The following TMEM156 variants were observed in gnomAD, a reference collection of about 807,000 sequenced individuals.
The protein encoded by TMEM156 is transmembrane protein 156.
In TMEM156, 28 loss-of-function variants were observed where a neutral mutation model predicts 30.5. The observed-to-expected ratio is 0.92, with a 90% CI of 0.68 to 1.26. The LOEUF (loss-of-function observed/expected upper bound fraction) is 1.26, where lower values mean the gene tolerates loss of function less well. TMEM156 is among the 50% of genes most tolerant of loss of function. The pLI is 0.00. For missense variants in TMEM156, 351 were observed against 340.6 expected, an observed-to-expected ratio of 1.03 and a Z score of -0.24; for synonymous variants, 137 against 119.9, an observed-to-expected ratio of 1.14 and a Z score of -0.93.
intron 3 of TMEM156, among the ~76,000 whole-genome samples, chr4:38,993,259 G>A (rs984399112): frequency 2.0e-5 from 3 of 151,858 alleles, no homozygotes; most frequent in Admixed American, 1.3e-4. Context: ...ACAAGACCCC[G>A]TCTCTACTAA....
intron 1 of TMEM156, among the ~76,000 whole-genome samples, chr4:39,020,618 C>T (rs771189575): frequency 1.1e-4 from 17 of 152,078 alleles, no homozygotes; most frequent in Non-Finnish European, 2.1e-4. Context: ...GTGGCATGAT[C>T]TCGGCTCACT....
rs921149790 is a variant in TMEM156, at chr4:38,996,332, G to A, written c.358+2308C>T. ...CCAATACTTCCGGAGGCCGAGGCGG[G>A]TGGATCACATGAGGTCAGGAGTTTG... On this transcript the variant is annotated intron_variant, in intron 2 of 6. Transcript: ENST00000381938. Among the ~76,000 whole-genome samples, 7 of 151,368 alleles carry A rather than the reference G, an allele frequency of 4.6e-5. No individual in the cohort carries two copies. The East Asian group carries it at 1.2e-3, about 25-fold the overall frequency.
intron 5 of TMEM156, among the ~76,000 whole-genome samples, chr4:38,982,553 C>G (rs1436207082): frequency 6.6e-6 from 1 of 152,176 alleles, no homozygotes; most frequent in Non-Finnish European, 1.5e-5. Flanking sequence ...TGCTCATCCG[C>G]TCTTTTTACT....
At chr4:38,973,781 C>T (rs958942163) in intron 5 of TMEM156, among the ~76,000 whole-genome samples, 1 of 152,128 alleles carries the variant, frequency 6.6e-6, no homozygotes, top group African/African-American at 2.4e-5. Context: ...CTCGGCAGGG[C>T]ACGCTTTTAG....
chr4:38,990,836 T>G (rs1309901941), intron 3 of TMEM156, among the ~76,000 whole-genome samples: 1 of 118,312 alleles, frequency 8.5e-6, no homozygotes, highest in African/African-American at 3.0e-5. Flanking sequence ...TCTGGTTTTT[T>G]TTTTTTTTTT....
chr4:38,986,463 G>T, intron 4 of TMEM156, 44 bp from the exon 5 acceptor site: 2 of 1,413,524 alleles, frequency 1.4e-6, no homozygotes, highest in Non-Finnish European at 2.0e-6. Context: ...ATAAACAAGC[G>T]CATTGTTAAC....
intron 5 of TMEM156, among the ~76,000 whole-genome samples, chr4:38,985,064 C>T (rs1369801196): frequency 2.0e-5 from 3 of 152,130 alleles, no homozygotes; most frequent in Non-Finnish European, 2.9e-5. Context: ...AAAACAGAAA[C>T]GACCAGAATT....
Position 38,998,653 on chromosome 4 carries a change from T to C in TMEM156, c.345A>G (p.Glu115=), listed in dbSNP as rs1205125359. ...CTTTGTGTTTACCTTTTGATGTTTG[T>C]TCCTGAGAAATAAAATCCATGTTTC... The part of the protein sequence containing the change: ...SKGNMDFISQ[E]QTSKVLIRRG... The change falls in exon 2 of 7, where the codon GAA becomes GAG. Residue 115 remains glutamate, a synonymous_variant. Coordinates refer to ENST00000381938, the MANE Select transcript of TMEM156 (RefSeq NM_024943.3). 1 of 1,610,900 alleles carries C rather than the reference T, an allele frequency of 6.2e-7. No homozygotes were observed. The highest frequency in any genetic ancestry group is 8.5e-7 in the Non-Finnish European group (1 of 1,178,116).
chr4:38,990,279 G>A (rs929977463), intron 3 of TMEM156, among the ~76,000 whole-genome samples: 3 of 152,238 alleles, frequency 2.0e-5, no homozygotes, highest in African/African-American at 7.2e-5. Context: ...TAGGCATTAA[G>A]CATTCATTTA....
chr4:38,989,494 C>T (rs1367626687), intron 3 of TMEM156, among the ~76,000 whole-genome samples: 2 of 152,164 alleles, frequency 1.3e-5, no homozygotes, highest in Admixed American at 6.5e-5. Flanking sequence ...GGGTAATAGG[C>T]GGTAAGTACA....
chr4:39,028,373 C>T (rs1715333550), intron 1 of TMEM156: 1 of 152,210 alleles, frequency 6.6e-6, no homozygotes, highest in South Asian at 2.1e-4. Flanking sequence ...ACTAGGTGAT[C>T]ATTTGAACTC....
In TMEM156 at chr4:38,967,243, T is replaced by G. The variant is rs950030764; in HGVS notation, c.*437A>C. The G allele has an allele frequency of 6.6e-6, 1 of 152,222 alleles. No homozygotes were observed. Among genetic ancestry groups the G allele is most frequent in the Non-Finnish European group, 1.5e-5 (1 of 68,038 alleles). The allele number at this position is 152,222 out of a possible 1,614,324, so 9.4% of individuals were successfully genotyped here. ...ATAATCTATCTGCATAGGAAACAAT[T>G]ATCAAATCAGCATCTACAATGTGGC... On this transcript the variant is annotated 3_prime_UTR_variant, in exon 7 of 7. Transcript: ENST00000381938.
chr4:38,990,634 C>G (rs970906966), intron 3 of TMEM156, among the ~76,000 whole-genome samples: 2 of 151,960 alleles, frequency 1.3e-5, no homozygotes, highest in East Asian at 1.9e-4. Flanking sequence ...ATCCCTGCAG[C>G]CTTCTTAGAG....
intron 1 of TMEM156, among the ~76,000 whole-genome samples, chr4:39,024,160 T>C (rs959614961): frequency 3.3e-5 from 5 of 152,196 alleles, no homozygotes; most frequent in African/African-American, 1.2e-4. Context: ...CTCAGCCTCC[T>C]GAGTAGCTGG....
chr4:39,018,049 T>A (rs995960575), intron 1 of TMEM156, among the ~76,000 whole-genome samples: 6 of 152,218 alleles, frequency 3.9e-5, no homozygotes, highest in African/African-American at 1.4e-4. Flanking sequence ...ATTTGTACCA[T>A]GCTTTCTATT....
intron 3 of TMEM156, 62 bp downstream of exon 3, chr4:38,993,676 A>T: frequency 6.9e-7 from 1 of 1,448,290 alleles, no homozygotes; most frequent in Non-Finnish European, 9.5e-7. Flanking sequence ...GATAGCCCTT[A>T]CTTAATTTTA....
chr4:38,984,349 C>CTCTG lies in TMEM156; in HGVS notation c.823+1986_823+1987insCAGA, dbSNP rs373013385. 3.2e-3 allele frequency among the ~76,000 whole-genome samples: 418 copies of CTCTG among 131,096 alleles called. 2 individuals carry two copies. The highest frequency in any genetic ancestry group is 0.01 in the African/African-American group (390 of 37,382). The allele number at this position is 131,096 out of a possible 152,430, so 86.0% of individuals were successfully genotyped here. A position where few individuals can be genotyped will look rare whatever the true frequency, so the allele number is the denominator to read the frequency against. ...TTTCTCTCTGTCTCTCTCTCTCTCT[C>CTCTG]TGTGTGTGTGTGTGTGTGTGTGTGT... On this transcript the variant is annotated intron_variant, in intron 5 of 6. Coordinates refer to ENST00000381938, the MANE Select transcript of TMEM156 (RefSeq NM_024943.3).
chr4:39,016,625 C>T (rs2110039058), intron 1 of TMEM156, among the ~76,000 whole-genome samples: 1 of 152,170 alleles, frequency 6.6e-6, no homozygotes, highest in East Asian at 1.9e-4. Flanking sequence ...TTCTATTCTC[C>T]ATTATAGTTT....
chr4:39,005,766 T>G (rs1713688123), intron 1 of TMEM156, among the ~76,000 whole-genome samples: 1 of 152,240 alleles, frequency 6.6e-6, no homozygotes, highest in African/African-American at 2.4e-5. Flanking sequence ...TGAAAATTGA[T>G]GAACATGTCT....
Sources: allele counts gnomAD v4.1 joint callset (sites outside exome capture counted in the v4.1 genomes callset), GRCh38; gene constraint gnomAD v4.1.1; transcripts MANE v1.5; gene names NCBI Gene and HGNC (gene_info 2026-07-23, HGNC 2026-07-21).